Variants in ESF1 observed in about 807,000 individuals in gnomAD.
ESF1 encodes the protein ESF1 homolog.
A neutral mutation model predicts 92.0 loss-of-function variants in ESF1; 58 were observed. The observed-to-expected ratio is 0.63, with a 90% CI of 0.51 to 0.78. ESF1 has a LOEUF of 0.78. Ranked by LOEUF, ESF1 falls within the 30% of genes least tolerant of loss-of-function variation. The pLI, the probability that ESF1 is intolerant of heterozygous loss-of-function variation, is 0.00. For synonymous variants in ESF1, 321 were observed against 313.7 expected (o/e 1.02, Z -0.24); for missense variants, 922 against 989.1 (o/e 0.93, Z 0.91).
chr20:13,762,188 G>A (rs1274945524), intron 8 of ESF1, among the ~76,000 whole-genome samples: 1 of 151,982 alleles, frequency 6.6e-6, no homozygotes, highest in Non-Finnish European at 1.5e-5. Context: ...AACTGGTTAA[G>A]TAAATATTTC....
intron 11 of ESF1, among the ~76,000 whole-genome samples, chr20:13,721,320 C>A (rs2049866809): frequency 6.6e-6 from 1 of 152,182 alleles, no homozygotes; most frequent in Non-Finnish European, 1.5e-5. Flanking sequence ...GCGATCACAG[C>A]TCCAGGTGCT....
At chr20:13,741,210 G>A (rs896935849) in intron 9 of ESF1, among the ~76,000 whole-genome samples, 8 of 152,150 alleles carry the variant, frequency 5.3e-5, no homozygotes, top group African/African-American at 1.9e-4. Context: ...GGAACTCACA[G>A]TACATCATCA....
At chr20:13,757,623 G>A (rs772395314) in intron 9 of ESF1, among the ~76,000 whole-genome samples, 5 of 152,060 alleles carry the variant, frequency 3.3e-5, no homozygotes, top group Non-Finnish European at 5.9e-5. Context: ...GGCTGGTCTC[G>A]AACATCTGAG....
rs539088759 is a variant in ESF1 at position 13,777,595 on chromosome 20, T to C, written c.638-1325A>G. Among the ~76,000 whole-genome samples, 5 of 152,330 alleles carry C rather than the reference T, an allele frequency of 3.3e-5. No individual in the cohort carries two copies. In the East Asian group the frequency reaches 9.6e-4, roughly 29 times the overall value. On this transcript the variant is annotated intron_variant, in intron 2 of 13. Transcript: ENST00000617257. The stretch of plus-strand genomic sequence containing the variant: ...TATAAAGACAGAGAAATAATATTTA[T>C]ACTTTTTCTGCCAGGTCTTGAACTT...
At chr20:13,769,159 A>AT (rs1487758047) in intron 7 of ESF1, among the ~76,000 whole-genome samples, 1 of 152,164 alleles carries the variant, frequency 6.6e-6, no homozygotes, top group Non-Finnish European at 1.5e-5. Context: ...TCCCTAGGAT[A>AT]TTAATAACTG....
At chr20:13,769,788 GA>G (rs1291302321) in intron 7 of ESF1, 118 bp downstream of exon 7, 1 of 749,482 alleles carries the variant, frequency 1.3e-6, no homozygotes, top group African/African-American at 1.8e-5. Context: ...TCTGTCTCAA[GA>G]AAAAATAATA....
rs1420000441 is a variant in ESF1 at position 13,776,234 on chromosome 20, T to C, written c.674A>G (p.Tyr225Cys). The stretch of plus-strand genomic sequence containing the variant: ...CATTTCACCATCTGTTGAGTTTTCA[T>C]AACCATCACTGTCTCTTGTCATTAT... ...QLIMTRDSDG[Y>C]ENSTDGEMCD... is the part of the protein sequence containing the mutation. Residue 225 changes from tyrosine (Y) to cysteine (C), a missense_variant, in exon 3 of 14, where the codon TAT becomes TGT. Physicochemically the swap from Tyr to Cys is radical, Grantham distance 194. Transcript: ENST00000617257. The C allele has an allele frequency of 6.2e-7, 1 of 1,613,536 alleles. No individual in the cohort carries two copies. Among genetic ancestry groups the C allele is most frequent in the East Asian group, 2.2e-5 (1 of 44,876 alleles).
At position 13,719,016 on chromosome 20, in the gene ESF1, A is replaced by C. The variant is rs750545635; in HGVS notation, c.2039-32T>G. The C allele has an allele frequency of 5.3e-6, 8 of 1,504,082 alleles. No homozygotes were observed. The African/African-American group carries it at 6.9e-5, about 13-fold the overall frequency. 93.2% of individuals were successfully genotyped at this position (1,504,082 alleles called of 1,614,324 possible). ...CAACAAACCAACATAAGAGTGGTAA[A>C]AATTACAGGACTATCAGCAACATTC... On this transcript the variant is annotated intron_variant, in intron 11 of 13. Coordinates refer to ENST00000617257, the MANE Select transcript of ESF1 (RefSeq NM_001276380.2).
At chr20:13,731,700 G>A (rs2049944290) in intron 10 of ESF1, among the ~76,000 whole-genome samples, 1 of 152,112 alleles carries the variant, frequency 6.6e-6, no homozygotes, top group Admixed American at 6.6e-5. Context: ...AAGTTCCTTA[G>A]CCCTTGCTAT....
Position 13,714,919 on chromosome 20 carries a change from G to C in ESF1, c.2511C>G (p.Thr837=). 1 of 1,612,326 alleles carries C rather than the reference G, an allele frequency of 6.2e-7. No individual in the cohort carries two copies. The highest frequency in any genetic ancestry group is 8.5e-7 in the Non-Finnish European group (1 of 1,179,406). The change falls in exon 14 of 14, where the codon ACC becomes ACG. Residue 837 remains threonine, a synonymous_variant. Coordinates refer to ENST00000617257, the MANE Select transcript of ESF1 (RefSeq NM_001276380.2). ...TTCTTGCTTGAAACTGCTCTGTTTT[G>C]GTTTTTATAGATTTAATCAACATTG... ...ALSMLIKSIK[T]KTEQFQARKK...
At chr20:13,748,592 ATTTTT>A (rs58809594) in intron 9 of ESF1, among the ~76,000 whole-genome samples, 30,387 of 95,054 alleles carry the variant, frequency 0.32, 4,412 homozygotes, top group South Asian at 0.46. Flanking sequence ...ATATATATAT[ATTTTT>A]TTTTTTTTGA....
intron 9 of ESF1, among the ~76,000 whole-genome samples, chr20:13,742,769 C>T (rs994460863): frequency 6.6e-6 from 1 of 152,070 alleles, no homozygotes; most frequent in Non-Finnish European, 1.5e-5. Context: ...ATCCCAAACA[C>T]ACCCACACTT....
intron 9 of ESF1, among the ~76,000 whole-genome samples, chr20:13,755,208 G>A (rs563473199): frequency 6.6e-6 from 1 of 152,278 alleles, no homozygotes; most frequent in East Asian, 1.9e-4. Flanking sequence ...TCTGTAGAGT[G>A]CTGAGTAGAA....
chr20:13,762,804 G>A (rs562799809), intron 8 of ESF1: 271 of 356,866 alleles, frequency 7.6e-4, no homozygotes, highest in Non-Finnish European at 1.2e-3. Flanking sequence ...AAAAATATAC[G>A]CTTTAAAAAA....
intron 9 of ESF1, among the ~76,000 whole-genome samples, chr20:13,744,899 T>C (rs569158787): frequency 1.3e-5 from 2 of 152,322 alleles, no homozygotes; most frequent in South Asian, 4.1e-4. Context: ...CCTATTTGTT[T>C]ACTAACTTCT....
At chr20:13,716,380 T>C (rs1006898228) in intron 13 of ESF1, among the ~76,000 whole-genome samples, 1 of 152,142 alleles carries the variant, frequency 6.6e-6, no homozygotes, top group Non-Finnish European at 1.5e-5. Flanking sequence ...CTGCACACAG[T>C]GAGTGTGACC....
intron 9 of ESF1, among the ~76,000 whole-genome samples, chr20:13,742,499 A>T (rs757173821): frequency 6.6e-6 from 1 of 152,018 alleles, no homozygotes; most frequent in Non-Finnish European, 1.5e-5. Flanking sequence ...TTCAACATTC[A>T]TATACCTTAT....
intron 9 of ESF1, among the ~76,000 whole-genome samples, chr20:13,748,538 A>ATG (rs1568718243): frequency 2.6e-5 from 2 of 76,280 alleles, no homozygotes; most frequent in Non-Finnish European, 5.2e-5. Context: ...ATACACATAT[A>ATG]TATGTGTGTG....
chr20:13,716,804 A>ATGTTTTTTTTTTTTTTTTTTT (rs2049829932), intron 13 of ESF1, among the ~76,000 whole-genome samples: 1 of 45,918 alleles, frequency 2.2e-5, no homozygotes, highest in African/African-American at 7.7e-5. Flanking sequence ...CTATACCTGG[A>ATGTTTTTTTTTTTTTTTTTTT]TTTTTTTTTT....
Sources: allele counts gnomAD v4.1 joint callset (sites outside exome capture counted in the v4.1 genomes callset), GRCh38; gene constraint gnomAD v4.1.1; transcripts MANE v1.5; gene names NCBI Gene and HGNC (gene_info 2026-07-23, HGNC 2026-07-21).